Variants in CIMAP1D observed in about 807,000 individuals in gnomAD.
The protein encoded by CIMAP1D is CIMAP1 family member D.
At chr19:463,790 G>T in the CIMAP1D span, 1 of 1,510,670 alleles carries the variant, frequency 6.6e-7, no homozygotes, top group Non-Finnish European at 8.8e-7. Context: ...CCAAAGCCAG[G>T]CCCCAGGAGA....
chr19:485,227 G>A, the CIMAP1D span, among the ~76,000 whole-genome samples: 6 of 152,176 alleles, frequency 3.9e-5, no homozygotes, highest in Admixed American at 1.3e-4. Context: ...ACAGGTGCAC[G>A]TTTACACCAC....
At chr19:464,674 T>G in the CIMAP1D span, among the ~76,000 whole-genome samples, 2 of 152,068 alleles carry the variant, frequency 1.3e-5, no homozygotes, top group Non-Finnish European at 2.9e-5. Flanking sequence ...TTCCCCTCTC[T>G]CCAGACGTGA....
At chr19:483,850 T>C in the CIMAP1D span, among the ~76,000 whole-genome samples, 64,351 of 152,046 alleles carry the variant, frequency 0.42, 15,348 homozygotes, top group African/African-American at 0.66. Context: ...TCCCTCTACC[T>C]GTCAGCCGCC....
the CIMAP1D span, among the ~76,000 whole-genome samples, chr19:473,045 C>G: frequency 1.8e-5 from 2 of 112,300 alleles, no homozygotes; most frequent in African/African-American, 3.1e-5. Context: ...GAAACTGAGG[C>G]CCAGGCAGAG....
At chr19:474,202 C>G in the CIMAP1D span, among the ~76,000 whole-genome samples, 301 of 152,348 alleles carry the variant, frequency 2.0e-3, no homozygotes, top group African/African-American at 6.6e-3. Context: ...CGTCCTGGGC[C>G]CTCACCGAGG....
At chr19:475,575 C>G in the CIMAP1D span, among the ~76,000 whole-genome samples, 2 of 152,038 alleles carry the variant, frequency 1.3e-5, no homozygotes, top group African/African-American at 4.8e-5. Flanking sequence ...CCTGGGGCAG[C>G]GGCGAGGACA....
chr19:487,095 G>A, the CIMAP1D span, among the ~76,000 whole-genome samples: 1 of 152,078 alleles, frequency 6.6e-6, no homozygotes, highest in Non-Finnish European at 1.5e-5. Context: ...CTATCATCAT[G>A]CTGCCTGCCC....
At chr19:466,857 T>G in the CIMAP1D span, among the ~76,000 whole-genome samples, 1 of 60,572 alleles carries the variant, frequency 1.7e-5, no homozygotes. Flanking sequence ...GGTGGGTGGG[T>G]GGATGGATGA....
the CIMAP1D span, chr19:464,130 G>A: frequency 4.2e-5 from 32 of 761,582 alleles, no homozygotes; most frequent in African/African-American, 1.1e-4. Flanking sequence ...AGGATCCTGC[G>A]GGGGGCGGGC....
the CIMAP1D span, among the ~76,000 whole-genome samples, chr19:484,564 C>T: frequency 5.3e-5 from 8 of 152,202 alleles, no homozygotes; most frequent in Non-Finnish European, 1.2e-4. Context: ...AGGAAGGCCC[C>T]CTGAAGAGGT....
At chr19:480,982 T>TGGAGAACGATGATGGAAAACGATGAC in the CIMAP1D span, among the ~76,000 whole-genome samples, 1 of 127,410 alleles carries the variant, frequency 7.8e-6, no homozygotes, top group African/African-American at 3.5e-5. Flanking sequence ...GGAAGGATGA[T>TGGAGAACGATGATGGAAAACGATGAC]GGAGAACGAT....
chr19:475,399 T>TA, the CIMAP1D span, among the ~76,000 whole-genome samples: 422 of 152,174 alleles, frequency 2.8e-3, no homozygotes, highest in Non-Finnish European at 3.0e-3. Context: ...AAGTCGTCAG[T>TA]AAATGTGATA....
At chr19:481,946 C>A in the CIMAP1D span, among the ~76,000 whole-genome samples, 2 of 151,858 alleles carry the variant, frequency 1.3e-5, no homozygotes, top group African/African-American at 4.8e-5. Flanking sequence ...TGGCTAATTT[C>A]TTTTTTGTGT....
chr19:484,139 CT>C, the CIMAP1D span, among the ~76,000 whole-genome samples: 1,012 of 129,400 alleles, frequency 7.8e-3, 1 homozygote, highest in Middle Eastern at 0.016. Flanking sequence ...TTTTCTTTTT[CT>C]TTTTTTTTTT....
At chr19:470,501 G>A in the CIMAP1D span, among the ~76,000 whole-genome samples, 2 of 152,088 alleles carry the variant, frequency 1.3e-5, no homozygotes, top group South Asian at 4.1e-4. Context: ...GTGAGCCACC[G>A]CGCCCGGCCC....
At chr19:487,143 C>T in the CIMAP1D span, among the ~76,000 whole-genome samples, 1 of 152,154 alleles carries the variant, frequency 6.6e-6, no homozygotes, top group Admixed American at 6.6e-5. Context: ...CAGCACTCTC[C>T]ACGCCTCACC....
At chr19:466,227 G>A in the CIMAP1D span, among the ~76,000 whole-genome samples, 1 of 132,282 alleles carries the variant, frequency 7.6e-6, no homozygotes, top group Admixed American at 7.5e-5. Context: ...TGGGTGGATG[G>A]ATGAGTGGAT....
chr19:471,891 C>G, the CIMAP1D span, among the ~76,000 whole-genome samples: 1 of 151,836 alleles, frequency 6.6e-6, no homozygotes, highest in South Asian at 2.1e-4. Context: ...TACAGGCGCC[C>G]GCCACCACGC....
the CIMAP1D span, among the ~76,000 whole-genome samples, chr19:485,456 C>T: frequency 7.9e-5 from 12 of 152,228 alleles, no homozygotes; most frequent in Non-Finnish European, 1.6e-4. Flanking sequence ...ACTGCTGTGG[C>T]TGCTGCCGAT....
Sources: gnomAD v4.1 joint callset for allele counts (sites outside exome capture counted in the v4.1 genomes callset) on GRCh38, gnomAD v4.1.1 for gene constraint, MANE v1.5 for transcripts, NCBI Gene and HGNC (gene_info 2026-07-23, HGNC 2026-07-21) for gene names.